Variants in MACROD2 observed in about 807,000 individuals in gnomAD.
MACROD2 encodes the protein ADP-ribose glycohydrolase MACROD2.
In MACROD2, 36 loss-of-function variants were observed where a neutral mutation model predicts 70.4. That is an observed-to-expected ratio of 0.51 (90% CI 0.39 to 0.68). The LOEUF (loss-of-function observed/expected upper bound fraction) is 0.68, where lower values mean the gene tolerates loss of function less well. Ranked by LOEUF, MACROD2 falls within the 30% of genes least tolerant of loss-of-function variation. The pLI is 0.00. For missense variants in MACROD2, 496 were observed against 538.4 expected (o/e 0.92, Z 0.78); for synonymous variants, 172 against 178.8 (o/e 0.96, Z 0.30).
At chr20:15,328,698 C>T (rs1480852845) in intron 6 of MACROD2, among the ~76,000 whole-genome samples, 1 of 152,108 alleles carries the variant, frequency 6.6e-6, no homozygotes, top group Admixed American at 6.6e-5. Context: ...ATTAACACAC[C>T]ACATTATATG....
intron 3 of MACROD2, among the ~76,000 whole-genome samples, chr20:14,174,804 G>A (rs1008610198): frequency 1.3e-5 from 2 of 152,196 alleles, no homozygotes; most frequent in African/African-American, 2.4e-5. Context: ...ACCCCTGTGA[G>A]ACAAAGTCAG....
At chr20:14,937,253 T>C (rs548820901) in intron 5 of MACROD2, among the ~76,000 whole-genome samples, 1 of 151,870 alleles carries the variant, frequency 6.6e-6, no homozygotes, top group East Asian at 1.9e-4. Flanking sequence ...AGGCAGTTGG[T>C]GAAGGCAGTA....
At chr20:15,976,583 C>T (rs1601252372) in intron 13 of MACROD2, among the ~76,000 whole-genome samples, 1 of 152,186 alleles carries the variant, frequency 6.6e-6, no homozygotes, top group East Asian at 1.9e-4. Context: ...GGGCTGGAAG[C>T]CCTGGGAGGA....
At chr20:15,140,758 C>T (rs2076185802) in intron 5 of MACROD2, among the ~76,000 whole-genome samples, 1 of 152,138 alleles carries the variant, frequency 6.6e-6, no homozygotes, top group African/African-American at 2.4e-5. Context: ...GCGAAAGAAT[C>T]AGAGTGCTCC....
At chr20:15,315,682 G>A (rs2077801903) in intron 6 of MACROD2, among the ~76,000 whole-genome samples, 1 of 152,098 alleles carries the variant, frequency 6.6e-6, no homozygotes, top group South Asian at 2.1e-4. Flanking sequence ...CTGCCCTATA[G>A]GAAATGTTAA....
intron 5 of MACROD2, among the ~76,000 whole-genome samples, chr20:15,073,343 A>G (rs527471897): frequency 9.9e-4 from 151 of 152,252 alleles, no homozygotes; most frequent in Non-Finnish European, 1.7e-3. Context: ...TCACTACTAG[A>G]AACACATATT....
chr20:14,808,775 A>C (rs1029749574), intron 5 of MACROD2, among the ~76,000 whole-genome samples: 14 of 151,570 alleles, frequency 9.2e-5, no homozygotes, highest in Admixed American at 7.2e-4. Flanking sequence ...AAAAAAAAGC[A>C]GGGGTTGTAA....
At chr20:15,036,394 A>G (rs2075313482) in intron 5 of MACROD2, among the ~76,000 whole-genome samples, 2 of 152,136 alleles carry the variant, frequency 1.3e-5, no homozygotes, top group African/African-American at 4.8e-5. Context: ...TATAATCAGC[A>G]TCACCTGGGA....
chr20:15,054,391 C>A, intron 5 of MACROD2, among the ~76,000 whole-genome samples: 1 of 152,060 alleles, frequency 6.6e-6, no homozygotes, highest in East Asian at 1.9e-4. Flanking sequence ...CAACCACCAC[C>A]CTGATCAGTC....
intron 6 of MACROD2, among the ~76,000 whole-genome samples, chr20:15,320,039 T>G (rs996811698): frequency 3.9e-5 from 6 of 152,106 alleles, no homozygotes; most frequent in Admixed American, 1.3e-4. Context: ...TGAAACCCCA[T>G]CTCTACTAAA....
At chr20:15,839,161 C>T (rs2064145018) in intron 8 of MACROD2, among the ~76,000 whole-genome samples, 1 of 152,070 alleles carries the variant, frequency 6.6e-6, no homozygotes, top group African/African-American at 2.4e-5. Context: ...AAAAAGGCTC[C>T]TTACAATATA....
intron 15 of MACROD2, among the ~76,000 whole-genome samples, chr20:15,989,024 G>A (rs1271635532): frequency 6.6e-6 from 1 of 152,048 alleles, no homozygotes; most frequent in East Asian, 1.9e-4. Flanking sequence ...TCTGCTTCAG[G>A]TTCTTCATCT....
chr20:15,089,981 A>G (rs1357753235), intron 5 of MACROD2, among the ~76,000 whole-genome samples: 2 of 152,098 alleles, frequency 1.3e-5, no homozygotes, highest in Non-Finnish European at 2.9e-5. Flanking sequence ...AGCATAAGCC[A>G]TGTGTGATAG....
At chr20:15,230,705 A>G (rs138539213) in intron 6 of MACROD2, among the ~76,000 whole-genome samples, 28 of 152,154 alleles carry the variant, frequency 1.8e-4, no homozygotes, top group African/African-American at 6.3e-4. Context: ...CTATTTCCTT[A>G]CCAGTAGGCT....
At chr20:14,867,602 G>C (rs1346925965) in intron 5 of MACROD2, among the ~76,000 whole-genome samples, 1 of 152,078 alleles carries the variant, frequency 6.6e-6, no homozygotes, top group Non-Finnish European at 1.5e-5. Flanking sequence ...ATCTACATCT[G>C]CCATGTTGAT....
At chr20:14,574,987 C>T (rs1317072443) in intron 4 of MACROD2, among the ~76,000 whole-genome samples, 2 of 135,416 alleles carry the variant, frequency 1.5e-5, no homozygotes, top group Non-Finnish European at 3.1e-5. Flanking sequence ...GTCCGCAGTC[C>T]GGCCTGGGCG....
rs567569923 is a variant in MACROD2 at position 14,556,197 on chromosome 20, A to C, written c.301+62689A>C. On this transcript the variant is annotated intron_variant, in intron 4 of 17. Coordinates refer to ENST00000684519, the MANE Select transcript of MACROD2 (RefSeq NM_001351661.2). ...ACAAATAGGCATTTTTAAATACTAA[A>C]ATGAAATATTACTTTCAGTTCCACC... Among the ~76,000 whole-genome samples, 269 of 152,184 alleles carry C rather than the reference A, an allele frequency of 1.8e-3. 1 individual carries two copies. The highest frequency in any genetic ancestry group is 6.2e-3 in the African/African-American group (256 of 41,554).
chr20:15,978,064 C>T (rs530799968), intron 13 of MACROD2, among the ~76,000 whole-genome samples: 1 of 152,298 alleles, frequency 6.6e-6, no homozygotes, highest in African/African-American at 2.4e-5. Flanking sequence ...CAGTGCTTCT[C>T]AAGGTTTAAC....
chr20:15,270,603 C>T (rs2077337675), intron 6 of MACROD2, among the ~76,000 whole-genome samples: 1 of 152,032 alleles, frequency 6.6e-6, no homozygotes, highest in African/African-American at 2.4e-5. Context: ...TTTTACAATA[C>T]AATAACCTAA....
Sources: gnomAD v4.1 joint callset for allele counts (sites outside exome capture counted in the v4.1 genomes callset) on GRCh38, gnomAD v4.1.1 for gene constraint, MANE v1.5 for transcripts, NCBI Gene and HGNC (gene_info 2026-07-23, HGNC 2026-07-21) for gene names.